The following FBXO22 variants were observed in gnomAD, a reference collection of about 807,000 sequenced individuals.
The protein encoded by FBXO22 is F-box protein 22.
FBXO22 carries 13 observed loss-of-function variants against 37.2 expected under a neutral mutation model. The ratio of observed to expected loss-of-function variants is 0.35; its 90% CI spans 0.23 to 0.56. The LOEUF (loss-of-function observed/expected upper bound fraction) is 0.56. Among genes scored for constraint, FBXO22 ranks in the 20% least tolerant of loss-of-function variants. The probability of loss-of-function intolerance (pLI) is 0.87; values close to 1 mark genes in which losing one functional copy is unlikely to be tolerated. For missense variants in FBXO22, 446 were observed against 509.9 expected, an observed-to-expected ratio of 0.87 and a Z score of 1.21; for synonymous variants, 189 against 189.1, an observed-to-expected ratio of 1.00 and a Z score of 0.00.
At chr15:75,916,902 C>T (rs1318306706) in intron 4 of FBXO22, among the ~76,000 whole-genome samples, 3 of 151,514 alleles carry the variant, frequency 2.0e-5, no homozygotes, top group African/African-American at 7.3e-5. Flanking sequence ...TATTTACTAC[C>T]CCCCCAACTT....
intron 4 of FBXO22, among the ~76,000 whole-genome samples, chr15:75,916,055 CAAAAAAAAAAAAAAAAA>C (rs10591372): frequency 1.6e-5 from 1 of 61,032 alleles, no homozygotes; most frequent in Non-Finnish European, 3.0e-5. Context: ...ACTCTGTCTC[CAAAAAAAAAAAAAAAAA>C]AAAAAAAGTT....
intron 6 of FBXO22, chr15:75,930,329 G>A: frequency 7.5e-7 from 1 of 1,332,872 alleles, no homozygotes; most frequent in Non-Finnish European, 9.6e-7. Flanking sequence ...GACAGATGTG[G>A]TACTCTGTGT....
rs774350053 is a variant in FBXO22 at position 75,932,933 on chromosome 15, T to A, written c.1043T>A (p.Phe348Tyr). The A allele has an allele frequency of 1.9e-6, 3 of 1,614,124 alleles. No individual in the cohort carries two copies. In the South Asian group the frequency reaches 3.3e-5, roughly 18 times the overall value. Residue 348 changes from phenylalanine to tyrosine, a missense_variant, in exon 7 of 7, where the codon TTT becomes TAT. By Grantham distance (22) the Phe-to-Tyr change is conservative (BLOSUM62 3). Around this residue, in one of 2 missense-constraint regions of FBXO22, gnomAD observed 315 missense variants for 410.1 expected, o/e 0.77. Transcript: ENST00000308275. ...GNVEADAFRK[F>Y]FPSVPLFGFF... ...GTTGAGGCTGATGCATTTAGAAAGT[T>A]TTTTCCTAGTGTTCCCTTATTCGGC...
chr15:75,908,205 T>C, intron 2 of FBXO22, among the ~76,000 whole-genome samples: 1 of 152,100 alleles, frequency 6.6e-6, no homozygotes, highest in South Asian at 2.1e-4. Flanking sequence ...GCCTAAAAGC[T>C]TGCTGAGGGT....
chr15:75,927,801 C>T (rs1297098444), intron 5 of FBXO22, among the ~76,000 whole-genome samples: 1 of 152,176 alleles, frequency 6.6e-6, no homozygotes, highest in African/African-American at 2.4e-5. Flanking sequence ...ATTGGTCATT[C>T]ACGCATCTGC....
In FBXO22 at chr15:75,937,361, T is replaced by G. The variant is rs1253022224; in HGVS notation, c.*4259T>G. On this transcript the variant is annotated 3_prime_UTR_variant, in exon 7 of 7. Transcript: ENST00000308275. ...CATCTCTACTGAAAGTACACAAAAT[T>G]AGCTGGGCATGGTGGCGGGCACCTG... 6.6e-6 allele frequency: 1 copy of G among 151,684 alleles called. No homozygotes were observed. The highest frequency in any genetic ancestry group is 2.1e-4 in the South Asian group (1 of 4,790). The allele number at this position is 151,684 out of a possible 1,614,324, so 9.4% of individuals were successfully genotyped here. A position where few individuals can be genotyped will look rare whatever the true frequency, so the allele number is the denominator to read the frequency against.
chr15:75,922,740 G>A (rs182263467), intron 5 of FBXO22, among the ~76,000 whole-genome samples: 2 of 152,216 alleles, frequency 1.3e-5, no homozygotes, highest in East Asian at 1.9e-4. Context: ...CACTGGAAGC[G>A]GGAGACCACT....
At chr15:75,922,627 G>C (rs1347083392) in intron 5 of FBXO22, among the ~76,000 whole-genome samples, 6 of 152,206 alleles carry the variant, frequency 3.9e-5, no homozygotes, top group Non-Finnish European at 8.8e-5. Flanking sequence ...GCGCATTCAG[G>C]CCAGGCTAAA....
Position 75,904,311 on chromosome 15 carries a change from G to A in FBXO22, c.141-180G>A, listed in dbSNP as rs1899869660. On this transcript the variant is annotated intron_variant, in intron 1 of 6. Transcript: ENST00000308275. ...CCCTGAGGGGCGAAGTTCCCCTTAA[G>A]GTTTTCTCCATATCTGGCTCTTCTT... The A allele has an allele frequency of 2.7e-6, 3 of 1,113,316 alleles. No homozygotes were observed. The South Asian group carries it at 4.6e-5, about 17-fold the overall frequency. 69.0% of individuals were successfully genotyped at this position (1,113,316 alleles called of 1,614,324 possible).
chr15:75,919,449 A>G (rs1900271146), intron 5 of FBXO22, among the ~76,000 whole-genome samples: 2 of 152,242 alleles, frequency 1.3e-5, no homozygotes, highest in South Asian at 4.1e-4. Flanking sequence ...CAGTTAAAAA[A>G]TAAATAGAAG....
At chr15:75,909,603 T>C (rs1272929687) in intron 2 of FBXO22, among the ~76,000 whole-genome samples, 1 of 152,196 alleles carries the variant, frequency 6.6e-6, no homozygotes, top group Admixed American at 6.5e-5. Context: ...GCTTCAGTTA[T>C]CATTATGAAA....
At position 75,939,783 on chromosome 15, in the gene FBXO22, T is replaced by G. The variant is rs2030748749; in HGVS notation, c.*6681T>G. The stretch of plus-strand genomic sequence containing the variant: ...TTAACAGAACGAAGCGAGAACCAGA[T>G]GATCATCTCAATTGATGCAGACAAA... On this transcript the variant is annotated 3_prime_UTR_variant, in exon 7 of 7. Coordinates refer to ENST00000308275, the MANE Select transcript of FBXO22 (RefSeq NM_147188.3). The G allele has an allele frequency of 6.6e-6, 1 of 152,126 alleles. No individual in the cohort carries two copies. Among genetic ancestry groups the G allele is most frequent in the African/African-American group, 2.4e-5 (1 of 41,438 alleles). The allele number at this position is 152,126 out of a possible 1,614,324, so 9.4% of individuals were successfully genotyped here. A position where few individuals can be genotyped will look rare whatever the true frequency, so the allele number is the denominator to read the frequency against.
rs1450858459 is a variant in FBXO22, at chr15:75,939,652, C to T, written c.*6550C>T. On this transcript the variant is annotated 3_prime_UTR_variant, in exon 7 of 7. Transcript: ENST00000308275. Reference sequence around the variant, plus strand: ...TTCAACAATTGTCAATACTAGGAAACTGAATTTAGCAGCATATTAAAAGGA... The same window carrying T: ...TTCAACAATTGTCAATACTAGGAAATTGAATTTAGCAGCATATTAAAAGGA... 3.9e-5 allele frequency: 6 copies of T among 152,146 alleles called. No homozygotes were observed. Among genetic ancestry groups the T allele is most frequent in the Non-Finnish European group, 8.8e-5 (6 of 67,992 alleles). 9.4% of individuals were successfully genotyped at this position (152,146 alleles called of 1,614,324 possible).
Position 75,921,836 on chromosome 15 carries a change from A to G in FBXO22, c.628+4442A>G, listed in dbSNP as rs192130613. Among the ~76,000 whole-genome samples the G allele has an allele frequency of 4.6e-5, 7 of 152,198 alleles. No individual in the cohort carries two copies. In the East Asian group the frequency reaches 1.4e-3, roughly 29 times the overall value. On this transcript the variant is annotated intron_variant, in intron 5 of 6. Transcript: ENST00000308275. ...CACACATTAGCCTAGGCCTATACAG[A>G]GTCAAGATAATATCACTGTCTTCCA...
intron 5 of FBXO22, among the ~76,000 whole-genome samples, chr15:75,928,663 T>C (rs1225296724): frequency 6.6e-6 from 1 of 151,920 alleles, no homozygotes; most frequent in Non-Finnish European, 1.5e-5. Flanking sequence ...GATGAAATAA[T>C]CTGCACAACA....
chr15:75,913,319 C>T (rs74024021), intron 3 of FBXO22, 29 bp downstream of exon 3: 36,663 of 1,481,290 alleles, frequency 0.025, 753 homozygotes, highest in African/African-American at 0.097. Context: ...GCTTTTGCTT[C>T]TGTTTTTTTA....
rs1314931472 is a variant in FBXO22, at chr15:75,904,636, A to G, written c.279+7A>G. The G allele has an allele frequency of 1.3e-5, 20 of 1,599,312 alleles. No homozygotes were observed. The highest frequency in any genetic ancestry group is 1.7e-5 in the Non-Finnish European group (20 of 1,170,796). On this transcript the variant is annotated splice_region_variant and intron_variant, in intron 2 of 6. Transcript: ENST00000308275. ...GGTAGCAGAGGAGCTTGAGGCAAGT[A>G]GCAAGGGGTGTCATGCACAGTCATT...
In FBXO22 at chr15:75,933,751, GCTAA is replaced by G. The variant is rs1374309707; in HGVS notation, c.*656_*659del. The G allele has an allele frequency of 6.4e-6, 2 of 312,034 alleles. No individual in the cohort carries two copies. Among genetic ancestry groups the G allele is most frequent in the South Asian group, 2.7e-5 (1 of 37,328 alleles). 19.3% of individuals were successfully genotyped at this position (312,034 alleles called of 1,614,324 possible). On this transcript the variant is annotated 3_prime_UTR_variant, in exon 7 of 7. Coordinates refer to ENST00000308275, the MANE Select transcript of FBXO22 (RefSeq NM_147188.3). ...TTTTTTTTTCACCTAGGTCTAAATA[GCTAA>G]CTAACTGGTAGACCAGAGTATTACA...
At chr15:75,925,328 C>T (rs1216638041) in intron 5 of FBXO22, among the ~76,000 whole-genome samples, 1 of 152,016 alleles carries the variant, frequency 6.6e-6, no homozygotes, top group Non-Finnish European at 1.5e-5. Flanking sequence ...TAGAACGGTG[C>T]TCTGTACTAG....
Sources: gnomAD v4.1 joint callset for allele counts (sites outside exome capture counted in the v4.1 genomes callset) on GRCh38, gnomAD v4.1.1 for gene constraint, gnomAD v4.1.1 regional missense constraint, MANE v1.5 for transcripts, NCBI Gene and HGNC (gene_info 2026-07-23, HGNC 2026-07-21) for gene names.